Variants in NLRP2 observed in about 807,000 individuals in gnomAD.
NLRP2 encodes NLR family pyrin domain containing 2, also known as NACHT, LRR and PYD domains-containing protein 2.
Under a neutral mutation model 97.2 loss-of-function variants are expected in NLRP2, and 107 were observed. That is an observed-to-expected ratio of 1.10 (90% CI 0.94 to 1.29). NLRP2 has a LOEUF of 1.29. Among genes scored for constraint, NLRP2 ranks in the 50% most tolerant of loss-of-function variants. The pLI, the probability that NLRP2 is intolerant of heterozygous loss-of-function variation, is 0.00. For synonymous variants in NLRP2, 663 were observed against 551.5 expected (o/e 1.20, Z -2.83); for missense variants, 1,495 against 1,330.3 (o/e 1.12, Z -1.93).
intron 4 of NLRP2, among the ~76,000 whole-genome samples, chr19:54,979,893 C>A (rs1478179770): frequency 1.3e-5 from 2 of 152,110 alleles, no homozygotes. Context: ...TCTCCTGCCT[C>A]AGCCTCCCAA....
In NLRP2 at chr19:54,976,714, C is replaced by T. The variant is rs767386379; in HGVS notation, c.326-1038C>T. 10 of 406,906 alleles carry T rather than the reference C, an allele frequency of 2.5e-5. 1 individual carries two copies. Among genetic ancestry groups the T allele is most frequent in the Non-Finnish European group, 4.8e-5 (10 of 210,012 alleles). 25.2% of individuals were successfully genotyped at this position (406,906 alleles called of 1,614,324 possible). ...AATTTCACATGCCCGTGTCCAGTTCCCTCCCCAGCATCTTTTCAGGAGTTC... is the reference window on the plus strand; with the variant it reads ...AATTTCACATGCCCGTGTCCAGTTCTCTCCCCAGCATCTTTTCAGGAGTTC... On this transcript the variant is annotated intron_variant, in intron 3 of 12. Coordinates refer to ENST00000448584, the MANE Select transcript of NLRP2 (RefSeq NM_017852.5).
chr19:54,986,074 A>G (rs2072053583), intron 7 of NLRP2, 77 bp from the exon 8 acceptor site: 7 of 941,118 alleles, frequency 7.4e-6, no homozygotes, highest in South Asian at 1.3e-5. Flanking sequence ...GTTTAAATAT[A>G]TCGAGCCCCT....
intron 11 of NLRP2, 135 bp downstream of exon 11, chr19:54,994,574 T>TA: frequency 1.1e-6 from 1 of 918,376 alleles, no homozygotes; most frequent in African/African-American, 1.6e-5. Flanking sequence ...GAGCATTTAC[T>TA]AGGATGGTTA....
intron 12 of NLRP2, among the ~76,000 whole-genome samples, chr19:54,999,136 C>T (rs111798175): frequency 0.3 from 44,876 of 150,846 alleles, 6,903 homozygotes; most frequent in Middle Eastern, 0.42. Flanking sequence ...GCTGGCTGGG[C>T]GGGGGGCTGA....
intron 2 of NLRP2, chr19:54,974,086 T>C: frequency 1.1e-6 from 1 of 904,986 alleles, no homozygotes; most frequent in Non-Finnish European, 1.8e-6. Context: ...CCAAGCGCGG[T>C]GGCTCACGCC....
intron 11 of NLRP2, among the ~76,000 whole-genome samples, chr19:54,996,054 C>CA (rs1013592892): frequency 4.3e-5 from 5 of 115,942 alleles, no homozygotes; most frequent in Admixed American, 2.3e-4. Flanking sequence ...AAAAAAAAAA[C>CA]AAAAAAAACA....
intron 8 of NLRP2, among the ~76,000 whole-genome samples, chr19:54,988,301 T>G (rs1162417782): frequency 6.6e-6 from 1 of 152,118 alleles, no homozygotes; most frequent in Non-Finnish European, 1.5e-5. Flanking sequence ...AATTTCTTTC[T>G]TTTTTTCTCA....
At chr19:54,999,845 T>C (rs1394541879) in intron 12 of NLRP2, among the ~76,000 whole-genome samples, 1 of 152,084 alleles carries the variant, frequency 6.6e-6, no homozygotes, top group Non-Finnish European at 1.5e-5. Context: ...CAAGTGATTC[T>C]CCTGTGTCAG....
intron 11 of NLRP2, among the ~76,000 whole-genome samples, chr19:54,994,852 G>T (rs1387043106): frequency 6.6e-6 from 1 of 151,250 alleles, no homozygotes; most frequent in Non-Finnish European, 1.5e-5. Flanking sequence ...CAGGTGATCC[G>T]CCCATCTCGG....
intron 8 of NLRP2, chr19:54,989,542 G>A (rs1421051347): frequency 4.2e-6 from 1 of 239,746 alleles, no homozygotes; most frequent in Non-Finnish European, 8.2e-6. Flanking sequence ...GATTGACTAA[G>A]TTCTGTATTT....
At chr19:54,981,528 CCATCAG>C in intron 4 of NLRP2, 83 bp from the exon 5 acceptor site, 1 of 584,214 alleles carries the variant, frequency 1.7e-6, no homozygotes, top group Non-Finnish European at 3.3e-6. Flanking sequence ...CCCCCCCGCC[CCATCAG>C]CCTGCCTCCT....
rs769940861 is a variant in NLRP2, at chr19:54,990,193, G to T, written c.2537+1G>T. On this transcript the variant is annotated splice_donor_variant, in intron 9 of 12. Transcript: ENST00000448584. LOFTEE classifies it high-confidence loss of function. ...CCAAGTGCTTTCTGCAGAGGTTGTC[G>T]TAAGTCTCTCCTCTCTTACAGAGCA... The T allele has an allele frequency of 1.9e-6, 3 of 1,613,990 alleles. No homozygotes were observed. The highest frequency in any genetic ancestry group is 1.7e-6 in the Non-Finnish European group (2 of 1,179,896).
At chr19:54,980,981 C>T (rs1037906399) in intron 4 of NLRP2, among the ~76,000 whole-genome samples, 6 of 152,118 alleles carry the variant, frequency 3.9e-5, no homozygotes, top group Non-Finnish European at 7.4e-5. Flanking sequence ...CGCAGTGGCA[C>T]ATGCCTGTAA....
rs776285800 is a variant in NLRP2, at chr19:54,983,590, A to C, written c.1892A>C (p.His631Pro). ...VMAQFKEISL[H>P]LNAVDVVPSS... Reference sequence around the variant, plus strand: ...GCTCAGTTCAAAGAAATATCCCTGCACTTAAATGCAGTAGACGTTGTGCCA... The same window carrying C: ...GCTCAGTTCAAAGAAATATCCCTGCCCTTAAATGCAGTAGACGTTGTGCCA... Residue 631 changes from histidine (H) to proline (P), a missense_variant, in exon 6 of 13, where the codon CAC becomes CCC. His to Pro is a moderately conservative substitution (Grantham distance 77). Transcript: ENST00000448584. 6.2e-7 allele frequency: 1 copy of C among 1,614,036 alleles called. No individual in the cohort carries two copies. Among genetic ancestry groups the C allele is most frequent in the Non-Finnish European group, 8.5e-7 (1 of 1,180,024 alleles).
intron 12 of NLRP2, among the ~76,000 whole-genome samples, chr19:54,999,081 TA>T (rs2146571422): frequency 8.8e-6 from 1 of 113,448 alleles, no homozygotes; most frequent in Non-Finnish European, 2.0e-5. Flanking sequence ...CACTTCCCAT[TA>T]GGGGCGGCCG....
chr19:54,984,170 AGG>A lies in NLRP2; in HGVS notation c.2030+444_2030+445del, dbSNP rs374042563. On this transcript the variant is annotated intron_variant, in intron 6 of 12. Coordinates refer to ENST00000448584, the MANE Select transcript of NLRP2 (RefSeq NM_017852.5). ...CGGCCCAAATATATTTTTTTAAGACAGGGTCTTGCTGTGTTGCTCAGGCTGGA... is the reference window on the plus strand; with the variant it reads ...CGGCCCAAATATATTTTTTTAAGACAGTCTTGCTGTGTTGCTCAGGCTGGA... Among the ~76,000 whole-genome samples the A allele has an allele frequency of 4.4e-3, 658 of 151,124 alleles. 1 individual carries two copies. Among genetic ancestry groups the A allele is most frequent in the African/African-American group, 0.015 (630 of 41,176 alleles).
At chr19:54,993,273 T>C (rs923952883) in intron 10 of NLRP2, 1 of 145,550 alleles carries the variant, frequency 6.9e-6, no homozygotes, top group Non-Finnish European at 1.6e-5. Flanking sequence ...TTTGGGGGTG[T>C]GTTTTCACTT....
chr19:54,968,014 G>A (rs1180539687), intron 1 of NLRP2, among the ~76,000 whole-genome samples: 1 of 150,130 alleles, frequency 6.7e-6, no homozygotes, highest in African/African-American at 2.5e-5. Flanking sequence ...CACCTCCCAG[G>A]TTCAAGCAAT....
intron 4 of NLRP2, among the ~76,000 whole-genome samples, chr19:54,978,424 A>G (rs1419154685): frequency 6.6e-6 from 1 of 151,996 alleles, no homozygotes; most frequent in Non-Finnish European, 1.5e-5. Flanking sequence ...CTTTTAGTAG[A>G]GACAGGTTTC....
Sources: gnomAD v4.1 joint callset for allele counts (sites outside exome capture counted in the v4.1 genomes callset) on GRCh38, gnomAD v4.1.1 for gene constraint, MANE v1.5 for transcripts, NCBI Gene and HGNC (gene_info 2026-07-23, HGNC 2026-07-21) for gene names.